The following EGFLAM variants were observed in gnomAD, a reference collection of about 807,000 sequenced individuals.
EGFLAM encodes EGF like, fibronectin type III and laminin G domains, also known as pikachurin.
EGFLAM carries 79 observed loss-of-function variants against 113.1 expected under a neutral mutation model. The ratio of observed to expected loss-of-function variants is 0.70; its 90% CI spans 0.58 to 0.84. EGFLAM has a LOEUF of 0.84. Among genes scored for constraint, EGFLAM ranks in the 40% least tolerant of loss-of-function variants. The pLI is 0.00. For synonymous variants in EGFLAM, 504 were observed against 487.6 expected (o/e 1.03, Z -0.44); for missense variants, 1,265 against 1,291.6 (o/e 0.98, Z 0.32).
rs1262660087 is a variant in EGFLAM at position 38,451,195 on chromosome 5, G to A, written c.2544-120G>A. On this transcript the variant is annotated intron_variant, in intron 18 of 21. Transcript: ENST00000322350. ...TGCGACTCGTGGTAATGAAGTAAGT[G>A]TCAGAAAGTGCCAGACTATCCTTAC... 5.9e-6 allele frequency: 8 copies of A among 1,364,650 alleles called. No individual in the cohort carries two copies. In the African/African-American group the frequency reaches 8.6e-5, roughly 15 times the overall value. The allele number at this position is 1,364,650 out of a possible 1,614,324, so 84.5% of individuals were successfully genotyped here. A position where few individuals can be genotyped will look rare whatever the true frequency, so the allele number is the denominator to read the frequency against.
At chr5:38,459,909 T>A (rs1006311415) in intron 20 of EGFLAM, among the ~76,000 whole-genome samples, 3 of 152,240 alleles carry the variant, frequency 2.0e-5, no homozygotes, top group Non-Finnish European at 4.4e-5. Flanking sequence ...TTGATTTTGA[T>A]GAAGTCTCAA....
chr5:38,447,372 ACTC>A (rs2112253252), intron 17 of EGFLAM, among the ~76,000 whole-genome samples: 1 of 152,066 alleles, frequency 6.6e-6, no homozygotes, highest in African/African-American at 2.4e-5. Context: ...CATGCTTTCT[ACTC>A]CTCACTTTCT....
intron 6 of EGFLAM, among the ~76,000 whole-genome samples, chr5:38,385,248 G>A (rs1316900777): frequency 6.7e-6 from 1 of 149,018 alleles, no homozygotes; most frequent in Non-Finnish European, 1.5e-5. Flanking sequence ...TGTATTCATG[G>A]AGAATTGATT....
intron 17 of EGFLAM, among the ~76,000 whole-genome samples, chr5:38,443,040 C>T (rs1442137963): frequency 4.0e-5 from 6 of 151,778 alleles, no homozygotes; most frequent in Admixed American, 1.3e-4. Flanking sequence ...CTGAGGCGGG[C>T]GGATGACCTC....
chr5:38,380,640 C>T (rs567857286), intron 6 of EGFLAM, among the ~76,000 whole-genome samples: 5 of 152,172 alleles, frequency 3.3e-5, no homozygotes, highest in Non-Finnish European at 5.9e-5. Context: ...TGCATTTGAG[C>T]GTGAATATAA....
intron 1 of EGFLAM, among the ~76,000 whole-genome samples, chr5:38,323,239 A>G (rs895404833): frequency 2.0e-5 from 3 of 152,238 alleles, no homozygotes; most frequent in Non-Finnish European, 4.4e-5. Flanking sequence ...GGATTACAAA[A>G]CTAATTGAAT....
intron 1 of EGFLAM, among the ~76,000 whole-genome samples, chr5:38,301,497 G>T (rs1052075464): frequency 6.6e-6 from 1 of 152,134 alleles, no homozygotes; most frequent in Non-Finnish European, 1.5e-5. Flanking sequence ...GAGACAGTGG[G>T]TATAGATGAC....
intron 1 of EGFLAM, among the ~76,000 whole-genome samples, chr5:38,314,829 G>C (rs1289461732): frequency 6.6e-6 from 1 of 152,208 alleles, no homozygotes. Context: ...CTGGGAAGGA[G>C]CTTGAACAGT....
intron 1 of EGFLAM, among the ~76,000 whole-genome samples, chr5:38,295,828 AG>A (rs777562679): frequency 4.6e-5 from 7 of 152,248 alleles, no homozygotes; most frequent in Non-Finnish European, 8.8e-5. Context: ...GTGGGTTAAA[AG>A]ACCTTAACTC....
chr5:38,464,016 C>T lies in EGFLAM; in HGVS notation c.*30C>T. The T allele has an allele frequency of 6.2e-7, 1 of 1,613,612 alleles. No homozygotes were observed. Among genetic ancestry groups the T allele is most frequent in the Non-Finnish European group, 8.5e-7 (1 of 1,179,704 alleles). On this transcript the variant is annotated 3_prime_UTR_variant, in exon 22 of 22. Coordinates refer to ENST00000322350, the MANE Select transcript of EGFLAM (RefSeq NM_152403.4). The stretch of plus-strand genomic sequence containing the variant: ...AGCTGGCCTTGTCCAAGGGACAGAG[C>T]CTTCTATTCTGAGAATCCCAGGGGC...
intron 1 of EGFLAM, among the ~76,000 whole-genome samples, chr5:38,289,351 A>G (rs1446579446): frequency 1.3e-5 from 2 of 150,284 alleles, no homozygotes; most frequent in Non-Finnish European, 3.0e-5. Flanking sequence ...TAACTAGCTT[A>G]CTTTCAGTGT....
At chr5:38,350,742 G>T (rs907024425) in intron 4 of EGFLAM, 124 bp downstream of exon 4, 2 of 889,910 alleles carry the variant, frequency 2.2e-6, no homozygotes. Flanking sequence ...ATTCAGTAGA[G>T]AACAAAAGTA....
intron 15 of EGFLAM, among the ~76,000 whole-genome samples, chr5:38,433,646 A>G (rs1451365554): frequency 1.3e-5 from 2 of 152,054 alleles, no homozygotes; most frequent in Admixed American, 6.5e-5. Context: ...TTTTTTTCCT[A>G]GCAGCCAGCT....
At chr5:38,397,556 G>GT (rs1429627517) in intron 6 of EGFLAM, among the ~76,000 whole-genome samples, 2 of 152,136 alleles carry the variant, frequency 1.3e-5, no homozygotes, top group African/African-American at 4.8e-5. Flanking sequence ...ACTTCCCAAA[G>GT]TGCTGGGATC....
intron 5 of EGFLAM, among the ~76,000 whole-genome samples, chr5:38,364,035 C>T (rs1739996973): frequency 6.6e-6 from 1 of 152,162 alleles, no homozygotes; most frequent in African/African-American, 2.4e-5. Context: ...CTGAAATTTG[C>T]CAACCCTGAT....
intron 5 of EGFLAM, among the ~76,000 whole-genome samples, chr5:38,364,688 G>T (rs139625159): frequency 9.5e-4 from 145 of 152,298 alleles, no homozygotes; most frequent in African/African-American, 3.4e-3. Context: ...AGAAGACAAA[G>T]TCACCATGCT....
intron 1 of EGFLAM, among the ~76,000 whole-genome samples, chr5:38,281,407 A>G (rs2111754003): frequency 6.6e-6 from 1 of 152,298 alleles, no homozygotes; most frequent in East Asian, 1.9e-4. Flanking sequence ...ATAATTTTTA[A>G]TGTAGAGCTA....
chr5:38,315,287 CCT>C (rs1469541720), intron 1 of EGFLAM, among the ~76,000 whole-genome samples: 1 of 152,158 alleles, frequency 6.6e-6, no homozygotes, highest in Non-Finnish European at 1.5e-5. Context: ...TTCTCTACTC[CCT>C]GTGACATGAT....
At chr5:38,454,208 G>A (rs1323692365) in intron 19 of EGFLAM, among the ~76,000 whole-genome samples, 2 of 152,304 alleles carry the variant, frequency 1.3e-5, no homozygotes, top group Middle Eastern at 3.4e-3. Flanking sequence ...GGGACAGAGA[G>A]GAATTCCAGT....
Sources: allele counts gnomAD v4.1 joint callset (sites outside exome capture counted in the v4.1 genomes callset), GRCh38; gene constraint gnomAD v4.1.1; transcripts MANE v1.5; gene names NCBI Gene and HGNC (gene_info 2026-07-23, HGNC 2026-07-21).